The following PKIA variants were observed in gnomAD, a reference collection of about 807,000 sequenced individuals.
PKIA encodes the protein cAMP-dependent protein kinase inhibitor alpha.
In PKIA, 4 loss-of-function variants were observed where a neutral mutation model predicts 7.6. The observed-to-expected ratio is 0.52, with a 90% confidence interval of 0.26 to 1.20. The LOEUF is 1.20. Among genes scored for constraint, PKIA ranks in the 50% most tolerant of loss-of-function variants. The pLI is 0.13. For synonymous variants in PKIA, 21 were observed against 30.7 expected (o/e 0.68, Z 1.04); for missense variants, 73 against 86.2 (o/e 0.85, Z 0.61).
chr8:78,571,408 A>G (rs1807544033), intron 1 of PKIA, among the ~76,000 whole-genome samples: 1 of 152,152 alleles, frequency 6.6e-6, no homozygotes, highest in South Asian at 2.1e-4. Context: ...ATTTCAGTGC[A>G]TACTGATAGA....
At chr8:78,548,778 C>A (rs1263370307) in intron 1 of PKIA, among the ~76,000 whole-genome samples, 1 of 151,932 alleles carries the variant, frequency 6.6e-6, no homozygotes, top group African/African-American at 2.4e-5. Flanking sequence ...CTATACTTTC[C>A]AATAATTATA....
At chr8:78,527,017 AT>A (rs565208427) in intron 1 of PKIA, among the ~76,000 whole-genome samples, 66 of 152,176 alleles carry the variant, frequency 4.3e-4, no homozygotes, top group Middle Eastern at 3.4e-3. Flanking sequence ...TGTAAATCAC[AT>A]TTATTTACAG....
intron 1 of PKIA, among the ~76,000 whole-genome samples, chr8:78,538,965 CAAG>C (rs1806605372): frequency 6.6e-6 from 1 of 151,854 alleles, no homozygotes; most frequent in Admixed American, 6.6e-5. Flanking sequence ...CATGCTATGA[CAAG>C]GAGGCTTTTT....
chr8:78,583,294 G>T (rs767569610), intron 2 of PKIA, among the ~76,000 whole-genome samples: 2 of 152,128 alleles, frequency 1.3e-5, no homozygotes, highest in Non-Finnish European at 2.9e-5. Flanking sequence ...GAAGTGCAGA[G>T]AAATTAATAT....
rs2130302065 is a variant in PKIA, at chr8:78,602,875, G to A, written c.*1054G>A. On this transcript the variant is annotated 3_prime_UTR_variant, in exon 4 of 4. Transcript: ENST00000396418. ...AACTTATCTTCACTAAGCTGAATCA[G>A]GTGGAGAAAGTAATCTCCTTGCAAT... The A allele has an allele frequency of 6.6e-6, 1 of 152,318 alleles. No homozygotes were observed. Among genetic ancestry groups the A allele is most frequent in the Middle Eastern group, 3.4e-3 (1 of 294 alleles). The allele number at this position is 152,318 out of a possible 1,614,324, so 9.4% of individuals were successfully genotyped here.
intron 1 of PKIA, among the ~76,000 whole-genome samples, chr8:78,526,689 G>C (rs568607001): frequency 6.6e-6 from 1 of 151,736 alleles, no homozygotes; most frequent in African/African-American, 2.4e-5. Flanking sequence ...TACAGAGACC[G>C]TGCAAGCATT....
At chr8:78,599,972 A>G (rs977647774) in intron 3 of PKIA, among the ~76,000 whole-genome samples, 2 of 149,920 alleles carry the variant, frequency 1.3e-5, no homozygotes, top group African/African-American at 4.9e-5. Context: ...TTAAAATGTA[A>G]TATTAATAAA....
chr8:78,538,679 A>G (rs958223447), intron 1 of PKIA, among the ~76,000 whole-genome samples: 1 of 152,022 alleles, frequency 6.6e-6, no homozygotes, highest in African/African-American at 2.4e-5. Context: ...CTGAGGTAAT[A>G]TATTAAATTT....
At chr8:78,574,149 A>T (rs1448267768) in intron 2 of PKIA, among the ~76,000 whole-genome samples, 1 of 152,042 alleles carries the variant, frequency 6.6e-6, no homozygotes. Context: ...GATAACAGTA[A>T]TTGTACATAT....
At chr8:78,594,226 T>G (rs956581091) in intron 2 of PKIA, among the ~76,000 whole-genome samples, 6 of 152,154 alleles carry the variant, frequency 3.9e-5, no homozygotes, top group Non-Finnish European at 7.4e-5. Context: ...TAAATCTACT[T>G]TAACAAGAAA....
At chr8:78,596,175 G>A (rs1808222029) in intron 2 of PKIA, among the ~76,000 whole-genome samples, 1 of 152,008 alleles carries the variant, frequency 6.6e-6, no homozygotes, top group Non-Finnish European at 1.5e-5. Context: ...CTTTTGAGAA[G>A]TGTCTGTTCA....
chr8:78,583,492 A>C (rs986977981), intron 2 of PKIA, among the ~76,000 whole-genome samples: 3 of 152,168 alleles, frequency 2.0e-5, no homozygotes, highest in Admixed American at 2.0e-4. Flanking sequence ...ATTACCTGCA[A>C]GTATTAGCTG....
At chr8:78,581,556 G>A (rs919201222) in intron 2 of PKIA, among the ~76,000 whole-genome samples, 4 of 152,090 alleles carry the variant, frequency 2.6e-5, no homozygotes, top group Non-Finnish European at 5.9e-5. Context: ...GATGTGGTGA[G>A]AATAGAGCTT....
intron 1 of PKIA, among the ~76,000 whole-genome samples, chr8:78,550,694 A>G (rs1806960816): frequency 6.6e-6 from 1 of 151,986 alleles, no homozygotes; most frequent in African/African-American, 2.4e-5. Flanking sequence ...TTGGGAGAAC[A>G]TGTGGTATTT....
At chr8:78,566,038 A>G (rs1005067671) in intron 1 of PKIA, among the ~76,000 whole-genome samples, 3 of 152,054 alleles carry the variant, frequency 2.0e-5, no homozygotes, top group Admixed American at 1.3e-4. Flanking sequence ...TGATATGGTA[A>G]AAGAGATGAG....
chr8:78,594,274 A>G (rs1808176147), intron 2 of PKIA, among the ~76,000 whole-genome samples: 1 of 152,112 alleles, frequency 6.6e-6, no homozygotes, highest in Non-Finnish European at 1.5e-5. Flanking sequence ...GGAGTAACAG[A>G]CTTGAACCAG....
chr8:78,542,260 G>C (rs1010265092), intron 1 of PKIA, among the ~76,000 whole-genome samples: 1 of 152,066 alleles, frequency 6.6e-6, no homozygotes, highest in Non-Finnish European at 1.5e-5. Context: ...TGAACTTAAT[G>C]TTAGGAAGTA....
chr8:78,595,615 T>A (rs1322967911), intron 2 of PKIA, among the ~76,000 whole-genome samples: 1 of 152,198 alleles, frequency 6.6e-6, no homozygotes, highest in African/African-American at 2.4e-5. Flanking sequence ...CCCTGGTGTC[T>A]ATTCTTCCCT....
intron 1 of PKIA, among the ~76,000 whole-genome samples, chr8:78,559,653 C>A (rs1262249205): frequency 6.6e-6 from 1 of 152,184 alleles, no homozygotes; most frequent in Non-Finnish European, 1.5e-5. Context: ...GGCTATGGAG[C>A]TGCTTTCCCG....
Sources: gnomAD v4.1 joint callset for allele counts (sites outside exome capture counted in the v4.1 genomes callset) on GRCh38, gnomAD v4.1.1 for gene constraint, MANE v1.5 for transcripts, NCBI Gene and HGNC (gene_info 2026-07-23, HGNC 2026-07-21) for gene names.